EMG1: variants seen among roughly 807,000 people sequenced by gnomAD.
EMG1 encodes the protein ribosomal RNA small subunit methyltransferase NEP1.
EMG1 carries 24 observed loss-of-function variants against 26.9 expected under a neutral mutation model. The ratio of observed to expected loss-of-function variants is 0.89; its 90% CI spans 0.65 to 1.26. The LOEUF (loss-of-function observed/expected upper bound fraction) is 1.26, where lower values mean the gene tolerates loss of function less well. EMG1 is among the 50% of genes most tolerant of loss of function. The pLI is 0.00. For missense variants in EMG1, 299 were observed against 307.6 expected (o/e 0.97, Z 0.21); for synonymous variants, 140 against 112.6 (o/e 1.24, Z -1.54).
In EMG1 at chr12:6,970,935, C is replaced by T. The variant is rs781917483; in HGVS notation, c.12C>T (p.Pro4=). ...GGTATTGTTGCAAGATGGCCGCGCC[C>T]AGTGATGGATTCAAGCCTCGTGAAC... MAA[P]SDGFKPRERS... The change falls in exon 1 of 6, where the codon CCC becomes CCT. Residue 4 remains proline, a synonymous_variant. Transcript: ENST00000599672. The T allele has an allele frequency of 6.2e-7, 1 of 1,612,930 alleles. No homozygotes were observed. Among genetic ancestry groups the T allele is most frequent in the Non-Finnish European group, 8.5e-7 (1 of 1,179,396 alleles).
At position 6,971,023 on chromosome 12, in the gene EMG1, G is replaced by A. The variant is rs782495453; in HGVS notation, c.100G>A (p.Ala34Thr). 5.6e-5 allele frequency: 91 copies of A among 1,611,916 alleles called. No individual in the cohort carries two copies. The East Asian group carries it at 1.9e-3, about 33-fold the overall frequency. The change falls in exon 1 of 6, where the codon GCA (alanine) becomes ACA (threonine). Residue 34 changes from alanine (A) to threonine (T), a missense_variant. Physicochemically the swap from Ala to Thr is moderately conservative, Grantham distance 58. Coordinates refer to ENST00000599672, the MANE Select transcript of EMG1 (RefSeq NM_006331.8). ...ALPPKRPRLG[A>T]GNKIGGRRLI... is the part of the protein sequence containing the mutation. ...GCCACCCAAGCGGCCCCGACTAGGG[G>A]CAGGAAACAAGATCGGAGGCCGTAG...
Position 6,987,947 on chromosome 12 carries a change from A to T in EMG1, c.*211+109A>T. ...CTGTCCCTTTCCTTGCTACTCTGGG[A>T]TCAACAGTCACCTCTTGAACTTTTG... On this transcript the variant is annotated intron_variant and NMD_transcript_variant, in intron 7 of 7. Coordinates refer to the EMG1 transcript ENST00000261406. The surrounding 1 kb of genome is among the most constrained non-coding windows in gnomAD (Gnocchi z 4.1). 2.5e-6 allele frequency: 1 copy of T among 398,476 alleles called. No individual in the cohort carries two copies. The allele number at this position is 398,476 out of a possible 1,614,324, so 24.7% of individuals were successfully genotyped here.
At chr12:6,985,364 C>G (rs1422746986) in intron 6 of EMG1, among the ~76,000 whole-genome samples, 1 of 151,366 alleles carries the variant, frequency 6.6e-6, no homozygotes, top group Non-Finnish European at 1.5e-5. Context: ...CCACTGCACT[C>G]CAGCCTGGGC....
chr12:6,994,869 T>C (rs1946624114), intron 7 of EMG1, among the ~76,000 whole-genome samples: 1 of 152,234 alleles, frequency 6.6e-6, no homozygotes, highest in African/African-American at 2.4e-5. Flanking sequence ...CTCCTAGATG[T>C]TGCTGACCCC....
chr12:6,981,728 C>T (rs150588433), downstream of EMG1: 163 of 177,606 alleles, frequency 9.2e-4, no homozygotes, highest in Non-Finnish European at 1.5e-3. Flanking sequence ...TGGCGGGGGG[C>T]GGAGGGGGGG....
downstream of EMG1, chr12:6,982,662 G>A (rs1555154274): frequency 6.3e-7 from 1 of 1,588,198 alleles, no homozygotes; most frequent in East Asian, 2.2e-5. Flanking sequence ...AGCTGCTAAG[G>A]GAAAGACGTT....
Position 6,971,120 on chromosome 12 carries a change from G to A in EMG1, c.168+29G>A, listed in dbSNP as rs142280686. The A allele has an allele frequency of 3.1e-6, 5 of 1,591,188 alleles. No individual in the cohort carries two copies. The East Asian group carries it at 1.1e-4, about 36-fold the overall frequency. On this transcript the variant is annotated intron_variant, in intron 1 of 5. Coordinates refer to ENST00000599672, the MANE Select transcript of EMG1 (RefSeq NM_006331.8). Reference sequence around the variant, plus strand: ...GTTTGGGACAGGAAGTGGAGAAGTAGTAAATCGATAGGTTGGGACTCCGTG... The same window carrying A: ...GTTTGGGACAGGAAGTGGAGAAGTAATAAATCGATAGGTTGGGACTCCGTG...
At position 6,977,421 on chromosome 12, in the gene EMG1, G is replaced by C; in HGVS notation, c.*1612G>C. ...AGAAGGCAGTCATGGAGTAACCCATGAAGAGCCAGTGGATGGTCTGTTGCA... is the reference window on the plus strand; with the variant it reads ...AGAAGGCAGTCATGGAGTAACCCATCAAGAGCCAGTGGATGGTCTGTTGCA... On this transcript the variant is annotated 3_prime_UTR_variant, in exon 6 of 6. Coordinates refer to ENST00000599672, the MANE Select transcript of EMG1 (RefSeq NM_006331.8). The surrounding 1 kb of genome is among the most constrained non-coding windows in gnomAD (Gnocchi z 4.5). 6.2e-7 allele frequency: 1 copy of C among 1,614,206 alleles called. No homozygotes were observed. The highest frequency in any genetic ancestry group is 8.5e-7 in the Non-Finnish European group (1 of 1,180,040).
chr12:6,973,598 C>G (rs782066630), intron 1 of EMG1, among the ~76,000 whole-genome samples: 2 of 152,082 alleles, frequency 1.3e-5, no homozygotes, highest in African/African-American at 4.8e-5. Context: ...CTCTGTTGCC[C>G]GGGCTGGAGT....
At chr12:6,996,289 G>A (rs982019859) in intron 7 of EMG1, among the ~76,000 whole-genome samples, 3 of 152,070 alleles carry the variant, frequency 2.0e-5, no homozygotes, top group African/African-American at 7.2e-5. Context: ...TACACCTCAG[G>A]TCCTTTGTAA....
chr12:6,986,430 TAATC>T (rs1946526543), intron 6 of EMG1, among the ~76,000 whole-genome samples: 1 of 152,220 alleles, frequency 6.6e-6, no homozygotes, highest in African/African-American at 2.4e-5. Flanking sequence ...AAATATATGT[TAATC>T]AACTTGTTTA....
chr12:6,979,441 C>A lies in EMG1; in HGVS notation c.*3632C>A. ...GTCCATTTTCTAGCTCTGGTGCAGTCATGCTGCTGCTGCTTTAGTAGACAC... is the reference window on the plus strand; with the variant it reads ...GTCCATTTTCTAGCTCTGGTGCAGTAATGCTGCTGCTGCTTTAGTAGACAC... On this transcript the variant is annotated 3_prime_UTR_variant, in exon 6 of 6. Transcript: ENST00000599672. 6.6e-7 allele frequency: 1 copy of A among 1,504,434 alleles called. No homozygotes were observed. Among genetic ancestry groups the A allele is most frequent in the South Asian group, 1.1e-5 (1 of 88,690 alleles). 93.2% of individuals were successfully genotyped at this position (1,504,434 alleles called of 1,614,324 possible). A position where few individuals can be genotyped will look rare whatever the true frequency, so the allele number is the denominator to read the frequency against.
In EMG1 at chr12:6,987,649, T is replaced by G; in HGVS notation, c.*155-133T>G. 4 of 394,640 alleles carry G rather than the reference T, an allele frequency of 1.0e-5. No individual in the cohort carries two copies. Among genetic ancestry groups the G allele is most frequent in the Non-Finnish European group, 1.8e-5 (4 of 224,184 alleles). 24.4% of individuals were successfully genotyped at this position (394,640 alleles called of 1,614,324 possible). A position where few individuals can be genotyped will look rare whatever the true frequency, so the allele number is the denominator to read the frequency against. ...AGTAGATAATTATCTAGAGCACTCA[T>G]AAATAAGTTCTAGGTAGCTAAGTTT... On this transcript the variant is annotated intron_variant and NMD_transcript_variant, in intron 6 of 7. Coordinates refer to the EMG1 transcript ENST00000261406. This position sits in a 1 kb window ranked among gnomAD's most constrained non-coding sequence, Gnocchi z 4.1.
downstream of EMG1, among the ~76,000 whole-genome samples, chr12:6,984,007 G>A (rs782796572): frequency 1.3e-5 from 2 of 152,214 alleles, no homozygotes; most frequent in East Asian, 1.9e-4. Flanking sequence ...AGATTTGAGC[G>A]TACCCATCTA....
downstream of EMG1, among the ~76,000 whole-genome samples, chr12:6,991,485 T>C (rs1352174882): frequency 1.3e-5 from 2 of 152,224 alleles, no homozygotes; most frequent in African/African-American, 4.8e-5. Context: ...TTCATTAGAA[T>C]ACATATCAAA....
At chr12:6,971,113 AG>A in intron 1 of EMG1, 22 bp downstream of exon 1, 1 of 1,599,908 alleles carries the variant, frequency 6.3e-7, no homozygotes, top group Non-Finnish European at 8.5e-7. Flanking sequence ...CAGGAAGTGG[AG>A]AAGTAGTAAA....
rs868957078 is a variant in EMG1, at chr12:6,975,368, C to T, written c.611C>T (p.Ala204Val). Residue 204 changes from alanine to valine, a missense_variant, in exon 5 of 6, where the codon GCC becomes GTC. By Grantham distance (64) the Ala-to-Val change is moderately conservative (BLOSUM62 0). Coordinates refer to ENST00000599672, the MANE Select transcript of EMG1 (RefSeq NM_006331.8). ...DPIVFVVGAFAHGKVSVEYTE... is the reference protein window; with the variant it reads ...DPIVFVVGAFVHGKVSVEYTE... The stretch of plus-strand genomic sequence containing the variant: ...ATTGTTTTTGTGGTAGGGGCCTTTG[C>T]CCATGGCAAGGTAAGGTCTGGGCTC... 2 of 1,598,734 alleles carry T rather than the reference C, an allele frequency of 1.3e-6. No individual in the cohort carries two copies. Among genetic ancestry groups the T allele is most frequent in the Admixed American group, 1.8e-5 (1 of 57,096 alleles).
intron 7 of EMG1, among the ~76,000 whole-genome samples, chr12:6,995,502 T>G (rs1555155935): frequency 6.6e-6 from 1 of 151,944 alleles, no homozygotes; most frequent in Non-Finnish European, 1.5e-5. Flanking sequence ...TTTTCCTTCT[T>G]CATATTGGTT....
chr12:6,992,611 C>G (rs1336937079), downstream of EMG1, among the ~76,000 whole-genome samples: 1 of 152,236 alleles, frequency 6.6e-6, no homozygotes, highest in Non-Finnish European at 1.5e-5. Context: ...TAGGAGTAGT[C>G]TATGGACTGC....
Sources: gnomAD v4.1 joint callset for allele counts (sites outside exome capture counted in the v4.1 genomes callset) on GRCh38, gnomAD v4.1.1 for gene constraint, Gnocchi (gnomAD v3.1) non-coding constraint, MANE v1.5 for transcripts, NCBI Gene and HGNC (gene_info 2026-07-23, HGNC 2026-07-21) for gene names.